Variants in TMEM163 observed in about 807,000 individuals in gnomAD.
TMEM163 encodes transmembrane protein 163.
In TMEM163, 17 loss-of-function variants were observed where a neutral mutation model predicts 29.3. The ratio of observed to expected loss-of-function variants is 0.58; its 90% CI spans 0.40 to 0.87. TMEM163 has a LOEUF of 0.87. TMEM163 is among the 40% of genes least tolerant of loss of function. TMEM163 has a pLI of 0.00. For synonymous variants in TMEM163, 157 were observed against 160.6 expected (o/e 0.98, Z 0.17); for missense variants, 303 against 381.5 (o/e 0.79, Z 1.71).
rs564803768 is a variant in TMEM163 at position 134,470,933 on chromosome 2, A to G, written c.556-4708T>C. ...ATGCCTGGAATCCCAGTGCTTTGAG[A>G]GGCCGAGGCGGGAAGAACACTTGAA... is the stretch of plus-strand genomic sequence containing the variant. On this transcript the variant is annotated intron_variant, in intron 5 of 7. Transcript: ENST00000281924. 3.3e-5 allele frequency among the ~76,000 whole-genome samples: 5 copies of G among 152,328 alleles called. No homozygotes were observed. In the South Asian group the frequency reaches 1.0e-3, roughly 32 times the overall value.
At chr2:134,693,611 A>C in intron 2 of TMEM163, among the ~76,000 whole-genome samples, 1 of 110,566 alleles carries the variant, frequency 9.0e-6, no homozygotes, top group African/African-American at 8.2e-5. Context: ...ACTACATCAA[A>C]AAAAAAAAAA....
intron 4 of TMEM163, among the ~76,000 whole-genome samples, chr2:134,543,419 C>T (rs1680718815): frequency 6.6e-6 from 1 of 152,196 alleles, no homozygotes; most frequent in Non-Finnish European, 1.5e-5. Context: ...CATTCAAGAG[C>T]TTTGTCAAGT....
intron 2 of TMEM163, among the ~76,000 whole-genome samples, chr2:134,710,319 T>C (rs1322987314): frequency 1.3e-5 from 2 of 152,272 alleles, no homozygotes; most frequent in South Asian, 4.2e-4. Flanking sequence ...AAAAGAGGTG[T>C]GCCCCCCAAC....
chr2:134,632,849 TCTC>T (rs370353581), intron 2 of TMEM163, among the ~76,000 whole-genome samples: 12,631 of 151,136 alleles, frequency 0.084, 601 homozygotes, highest in South Asian at 0.16. Flanking sequence ...TTCACGCCAT[TCTC>T]CTGCCTCAGC....
At chr2:134,642,752 T>C (rs1465972672) in intron 2 of TMEM163, among the ~76,000 whole-genome samples, 1 of 151,848 alleles carries the variant, frequency 6.6e-6, no homozygotes, top group Non-Finnish European at 1.5e-5. Flanking sequence ...ACAACACAAG[T>C]ATAAATAATC....
At chr2:134,624,461 G>A (rs1300066428) in intron 2 of TMEM163, among the ~76,000 whole-genome samples, 1 of 152,116 alleles carries the variant, frequency 6.6e-6, no homozygotes, top group East Asian at 1.9e-4. Flanking sequence ...ATCTATGGAG[G>A]GTGGGAGGAG....
At position 134,535,717 on chromosome 2, in the gene TMEM163, GT is replaced by G. The variant is rs59227102; in HGVS notation, c.458+14852del. On this transcript the variant is annotated intron_variant, in intron 4 of 7. Coordinates refer to ENST00000281924, the MANE Select transcript of TMEM163 (RefSeq NM_030923.5). Reference sequence around the variant, plus strand: ...TTTTATACATTTACTTATTTGTATGGTTTTTTTTTTTGTTTGTTTGTTTTTT... The same window carrying G: ...TTTTATACATTTACTTATTTGTATGGTTTTTTTTTTGTTTGTTTGTTTTTT... Among the ~76,000 whole-genome samples, 407 of 142,474 alleles carry G rather than the reference GT, an allele frequency of 2.9e-3. 6 individuals carry two copies. Among genetic ancestry groups the G allele is most frequent in the African/African-American group, 8.7e-3 (327 of 37,518 alleles). The allele number at this position is 142,474 out of a possible 152,430, so 93.5% of individuals were successfully genotyped here. A position where few individuals can be genotyped will look rare whatever the true frequency, so the allele number is the denominator to read the frequency against.
In TMEM163 at chr2:134,695,116, A is replaced by G. The variant is rs368708505; in HGVS notation, c.322+18084T>C. ...TTTTGAGACGGAGTCTCGCTCTGTC[A>G]CCCAGGCTAGAGTGCAGTGGTTCAA... is the stretch of plus-strand genomic sequence containing the variant. On this transcript the variant is annotated intron_variant, in intron 2 of 7. Coordinates refer to ENST00000281924, the MANE Select transcript of TMEM163 (RefSeq NM_030923.5). Among the ~76,000 whole-genome samples, 11 of 152,322 alleles carry G rather than the reference A, an allele frequency of 7.2e-5. No individual in the cohort carries two copies. The South Asian group carries it at 2.3e-3, about 32-fold the overall frequency.
intron 4 of TMEM163, among the ~76,000 whole-genome samples, chr2:134,506,992 G>A (rs148599206): frequency 6.6e-6 from 1 of 152,188 alleles, no homozygotes; most frequent in African/African-American, 2.4e-5. Context: ...AAGAGGCAAG[G>A]GAGATGTACC....
chr2:134,521,538 G>C (rs943911844), intron 4 of TMEM163, among the ~76,000 whole-genome samples: 4 of 152,120 alleles, frequency 2.6e-5, no homozygotes, highest in African/African-American at 4.8e-5. Context: ...TGCTAATTTT[G>C]GGAAACCCTG....
intron 5 of TMEM163, among the ~76,000 whole-genome samples, chr2:134,493,723 T>C (rs1679483339): frequency 6.6e-6 from 1 of 152,176 alleles, no homozygotes; most frequent in African/African-American, 2.4e-5. Context: ...TGCAACAATT[T>C]TCTCTTTTGT....
chr2:134,634,444 A>G (rs192158279), intron 2 of TMEM163, among the ~76,000 whole-genome samples: 1 of 152,310 alleles, frequency 6.6e-6, no homozygotes, highest in African/African-American at 2.4e-5. Flanking sequence ...ACCATGAACA[A>G]TAATTCAAGA....
intron 4 of TMEM163, among the ~76,000 whole-genome samples, chr2:134,528,157 A>G (rs1680336915): frequency 6.6e-6 from 1 of 152,208 alleles, no homozygotes; most frequent in Non-Finnish European, 1.5e-5. Flanking sequence ...GTTGTTATGG[A>G]AAAACTCCCA....
At chr2:134,669,022 A>C (rs1329769447) in intron 2 of TMEM163, among the ~76,000 whole-genome samples, 2 of 152,114 alleles carry the variant, frequency 1.3e-5, no homozygotes, top group Non-Finnish European at 2.9e-5. Flanking sequence ...ACAAGAAGCC[A>C]GGGCGCCCCG....
At chr2:134,536,613 CT>C (rs1680545618) in intron 4 of TMEM163, among the ~76,000 whole-genome samples, 1 of 152,124 alleles carries the variant, frequency 6.6e-6, no homozygotes, top group Non-Finnish European at 1.5e-5. Flanking sequence ...CATCTGCCAC[CT>C]ATAAAACTGG....
intron 4 of TMEM163, among the ~76,000 whole-genome samples, chr2:134,540,812 A>G (rs1680647458): frequency 6.6e-6 from 1 of 152,220 alleles, no homozygotes; most frequent in Non-Finnish European, 1.5e-5. Context: ...TATCATCTTA[A>G]TAAGGGTCAT....
At chr2:134,476,638 C>T (rs369061068) in intron 5 of TMEM163, among the ~76,000 whole-genome samples, 1 of 152,120 alleles carries the variant, frequency 6.6e-6, no homozygotes. Flanking sequence ...CAGTAAAGGA[C>T]ACAGATCAAA....
At chr2:134,457,827 G>C (rs1686434274) in intron 7 of TMEM163, among the ~76,000 whole-genome samples, 1 of 152,216 alleles carries the variant, frequency 6.6e-6, no homozygotes, top group Non-Finnish European at 1.5e-5. Flanking sequence ...GATACCTCTT[G>C]TCCCTGCCTC....
chr2:134,508,353 A>C (rs968656838), intron 4 of TMEM163, among the ~76,000 whole-genome samples: 12 of 152,234 alleles, frequency 7.9e-5, no homozygotes, highest in African/African-American at 2.9e-4. Flanking sequence ...CTGGTCTCCA[A>C]AGCATTTGTA....
Sources: gnomAD v4.1 joint callset for allele counts (sites outside exome capture counted in the v4.1 genomes callset) on GRCh38, gnomAD v4.1.1 for gene constraint, MANE v1.5 for transcripts, NCBI Gene and HGNC (gene_info 2026-07-23, HGNC 2026-07-21) for gene names.